Variants in CAMKMT observed in about 807,000 individuals in gnomAD.
The protein encoded by CAMKMT is CaM KMT.
CAMKMT carries 53 observed loss-of-function variants against 48.0 expected under a neutral mutation model. The observed-to-expected ratio is 1.10, with a 90% CI of 0.89 to 1.39. The LOEUF is 1.39. Ranked by LOEUF, CAMKMT falls within the 40% of genes most tolerant of loss-of-function variation. The pLI is 0.00. For synonymous variants in CAMKMT, 165 were observed against 152.3 expected (o/e 1.08, Z -0.61); for missense variants, 428 against 402.7 (o/e 1.06, Z -0.54).
At chr2:44,481,482 A>G (rs1011653456) in intron 3 of CAMKMT, among the ~76,000 whole-genome samples, 5 of 152,208 alleles carry the variant, frequency 3.3e-5, no homozygotes, top group African/African-American at 1.2e-4. Context: ...CCAAGATATG[A>G]CAAGATAAAT....
chr2:44,363,558 T>A (rs1327710844), intron 1 of CAMKMT, among the ~76,000 whole-genome samples: 2 of 151,536 alleles, frequency 1.3e-5, no homozygotes, highest in African/African-American at 4.8e-5. Flanking sequence ...TTTTTTTTTT[T>A]AAGTAGAGAC....
chr2:44,700,724 T>C (rs1677210684), intron 3 of CAMKMT, among the ~76,000 whole-genome samples: 1 of 152,128 alleles, frequency 6.6e-6, no homozygotes, highest in South Asian at 2.1e-4. Flanking sequence ...CCATATCAGA[T>C]ATAATAATAA....
At chr2:44,560,251 A>G (rs962256295) in intron 3 of CAMKMT, among the ~76,000 whole-genome samples, 1 of 152,162 alleles carries the variant, frequency 6.6e-6, no homozygotes, top group South Asian at 2.1e-4. Context: ...TCTTCTTGGA[A>G]CTAAGAGATA....
chr2:44,498,744 A>G (rs1364950245), intron 3 of CAMKMT, among the ~76,000 whole-genome samples: 1 of 152,222 alleles, frequency 6.6e-6, no homozygotes, highest in Admixed American at 6.5e-5. Flanking sequence ...CCTTTTGGCT[A>G]AAGGCTGCTG....
intron 3 of CAMKMT, among the ~76,000 whole-genome samples, chr2:44,505,954 T>C (rs1670240161): frequency 6.6e-6 from 1 of 151,934 alleles, no homozygotes; most frequent in South Asian, 2.1e-4. Context: ...TGCAACCTCC[T>C]CCTCTCGGGT....
intron 3 of CAMKMT, among the ~76,000 whole-genome samples, chr2:44,648,731 C>G (rs1265086571): frequency 6.6e-6 from 1 of 152,194 alleles, no homozygotes; most frequent in Non-Finnish European, 1.5e-5. Context: ...AGTAATCAGA[C>G]TAATGCTACC....
intron 10 of CAMKMT, 27 bp downstream of exon 10, chr2:44,766,588 C>G (rs371852042): frequency 1.2e-6 from 2 of 1,610,488 alleles, no homozygotes; most frequent in African/African-American, 2.7e-5. Flanking sequence ...TGTTAGATAA[C>G]ACTTTAATCC....
intron 10 of CAMKMT, among the ~76,000 whole-genome samples, chr2:44,767,241 A>C (rs1240178728): frequency 6.6e-6 from 1 of 152,198 alleles, no homozygotes; most frequent in African/African-American, 2.4e-5. Context: ...CTAGTAGTAC[A>C]TGTCACAGTG....
chr2:44,707,560 A>G (rs897757342), intron 6 of CAMKMT, 98 bp downstream of exon 6: 2 of 983,726 alleles, frequency 2.0e-6, no homozygotes, highest in African/African-American at 3.3e-5. Flanking sequence ...GGGTATTAAA[A>G]GAGAGTTTCC....
At chr2:44,663,447 G>C (rs1251987302) in intron 3 of CAMKMT, among the ~76,000 whole-genome samples, 1 of 152,176 alleles carries the variant, frequency 6.6e-6, no homozygotes, top group Non-Finnish European at 1.5e-5. Flanking sequence ...TCATCTTTGA[G>C]CTTCCCCTTC....
intron 3 of CAMKMT, among the ~76,000 whole-genome samples, chr2:44,674,727 A>G (rs563600872): frequency 1.8e-4 from 28 of 152,238 alleles, no homozygotes; most frequent in Non-Finnish European, 3.7e-4. Flanking sequence ...TAACAAAGCA[A>G]GTAATTAAGC....
chr2:44,584,597 T>G (rs1274238147), intron 3 of CAMKMT, among the ~76,000 whole-genome samples: 1 of 152,232 alleles, frequency 6.6e-6, no homozygotes, highest in Non-Finnish European at 1.5e-5. Context: ...GCAACAATTA[T>G]TTTTGGAATT....
intron 3 of CAMKMT, among the ~76,000 whole-genome samples, chr2:44,576,060 C>T (rs568520358): frequency 6.6e-6 from 1 of 152,008 alleles, no homozygotes; most frequent in Admixed American, 6.5e-5. Flanking sequence ...GGTGCAGTGG[C>T]TCACGCCTGC....
At chr2:44,586,022 A>G (rs980474300) in intron 3 of CAMKMT, among the ~76,000 whole-genome samples, 3 of 152,232 alleles carry the variant, frequency 2.0e-5, no homozygotes, top group African/African-American at 7.2e-5. Context: ...TAAATATACA[A>G]GAAGATAAAT....
chr2:44,729,616 G>A (rs1470487329), intron 7 of CAMKMT, among the ~76,000 whole-genome samples: 2 of 152,312 alleles, frequency 1.3e-5, no homozygotes, highest in Non-Finnish European at 2.9e-5. Context: ...CAATGGGAGT[G>A]TCCACTCCCA....
At chr2:44,591,940 A>T (rs1670309570) in intron 3 of CAMKMT, among the ~76,000 whole-genome samples, 1 of 152,122 alleles carries the variant, frequency 6.6e-6, no homozygotes, top group Admixed American at 6.5e-5. Flanking sequence ...GGAAATCATC[A>T]TTCTCAGTAA....
At chr2:44,676,246 C>G (rs886496363) in intron 3 of CAMKMT, among the ~76,000 whole-genome samples, 31 of 152,098 alleles carry the variant, frequency 2.0e-4, no homozygotes, top group Non-Finnish European at 2.5e-4. Flanking sequence ...CTGATCTACT[C>G]CCATATTTTT....
At chr2:44,382,143 T>C (rs1470442772) in intron 2 of CAMKMT, among the ~76,000 whole-genome samples, 3 of 152,136 alleles carry the variant, frequency 2.0e-5, no homozygotes, top group African/African-American at 7.2e-5. Context: ...GGTTTCACCA[T>C]GTTGGCCAGG....
chr2:44,563,255 A>T (rs1463395626), intron 3 of CAMKMT, among the ~76,000 whole-genome samples: 1 of 151,590 alleles, frequency 6.6e-6, no homozygotes, highest in Non-Finnish European at 1.5e-5. Flanking sequence ...TTTCTTTCTT[A>T]AAAAAAGGAT....
Sources: gnomAD v4.1 joint callset for allele counts (sites outside exome capture counted in the v4.1 genomes callset) on GRCh38, gnomAD v4.1.1 for gene constraint, MANE v1.5 for transcripts, NCBI Gene and HGNC (gene_info 2026-07-23, HGNC 2026-07-21) for gene names.